SLC24A2: variants seen among roughly 807,000 people sequenced by gnomAD.
The protein encoded by SLC24A2 is sodium/potassium/calcium exchanger 2.
SLC24A2 carries 36 observed loss-of-function variants against 62.0 expected under a neutral mutation model. The ratio of observed to expected loss-of-function variants is 0.58; its 90% CI spans 0.44 to 0.77. The LOEUF is 0.77. SLC24A2 is among the 30% of genes least tolerant of loss of function. The pLI is 0.00. For missense variants in SLC24A2, 846 were observed against 817.9 expected, an observed-to-expected ratio of 1.03 and a Z score of -0.42; for synonymous variants, 358 against 294.0, an observed-to-expected ratio of 1.22 and a Z score of -2.23.
the SLC24A2 span, among the ~76,000 whole-genome samples, chr9:20,267,297 C>G: frequency 6.6e-6 from 1 of 152,068 alleles, no homozygotes; most frequent in Non-Finnish European, 1.5e-5. Context: ...ACCCTCTAAC[C>G]CCCACACCAA....
the SLC24A2 span, among the ~76,000 whole-genome samples, chr9:19,939,462 A>G: frequency 1.3e-5 from 2 of 152,346 alleles, no homozygotes; most frequent in African/African-American, 2.4e-5. Context: ...AAGGTACAGT[A>G]GAAATATGGC....
intron 2 of SLC24A2, among the ~76,000 whole-genome samples, chr9:19,736,003 TA>T (rs759175335): frequency 2.7e-5 from 4 of 150,710 alleles, no homozygotes; most frequent in Admixed American, 6.6e-5. Context: ...ACTTAAAGTA[TA>T]AAAAAAAAGA....
chr9:20,164,773 G>A, the SLC24A2 span, among the ~76,000 whole-genome samples: 14 of 151,142 alleles, frequency 9.3e-5, no homozygotes, highest in African/African-American at 3.4e-4. Flanking sequence ...AGAAAATGTG[G>A]CACATATACA....
At chr9:19,883,800 C>T in the SLC24A2 span, among the ~76,000 whole-genome samples, 7 of 152,084 alleles carry the variant, frequency 4.6e-5, no homozygotes, top group African/African-American at 1.2e-4. Context: ...CTCCTGACCT[C>T]GTGATCCGCC....
the SLC24A2 span, among the ~76,000 whole-genome samples, chr9:20,077,839 A>G: frequency 3.0e-3 from 464 of 152,240 alleles, 5 homozygotes; most frequent in African/African-American, 0.011. Flanking sequence ...ATAACCCGCG[A>G]TAGTGAAAAA....
rs60849714 is a variant in SLC24A2 at position 19,513,176 on chromosome 9, G to GTATATA, written c.*2971_*2976dup. The GTATATA allele has an allele frequency of 4.5e-5, 3 of 66,972 alleles. No individual in the cohort carries two copies. The Admixed American group carries it at 4.8e-4, about 11-fold the overall frequency. The allele number at this position is 66,972 out of a possible 1,614,324, so 4.1% of individuals were successfully genotyped here. A position where few individuals can be genotyped will look rare whatever the true frequency, so the allele number is the denominator to read the frequency against. Reference sequence around the variant, plus strand: ...AAGATATATATATATATATATATATGTATATATATATATATGTATATATTT... The same window carrying GTATATA: ...AAGATATATATATATATATATATATGTATATATATATATATATATATGTATATATTT... On this transcript the variant is annotated 3_prime_UTR_variant, in exon 11 of 11. Coordinates refer to ENST00000341998, the MANE Select transcript of SLC24A2 (RefSeq NM_020344.4).
At chr9:19,546,671 G>A (rs1034485115) in intron 8 of SLC24A2, among the ~76,000 whole-genome samples, 11 of 152,018 alleles carry the variant, frequency 7.2e-5, no homozygotes, top group African/African-American at 2.2e-4. Context: ...CCCTGCCTTC[G>A]GCCCCTTTTC....
At chr9:20,207,490 G>C in the SLC24A2 span, among the ~76,000 whole-genome samples, 1 of 152,144 alleles carries the variant, frequency 6.6e-6, no homozygotes. Flanking sequence ...TAAGAAATGA[G>C]GCAACTCTAT....
chr9:20,194,964 T>C, the SLC24A2 span, among the ~76,000 whole-genome samples: 2 of 152,176 alleles, frequency 1.3e-5, no homozygotes, highest in African/African-American at 2.4e-5. Flanking sequence ...TTTTTCTTTA[T>C]AGTTTTATTA....
the SLC24A2 span, among the ~76,000 whole-genome samples, chr9:19,810,663 G>T: frequency 1.3e-5 from 2 of 152,208 alleles, no homozygotes; most frequent in Non-Finnish European, 2.9e-5. Flanking sequence ...TAAGTAGCCA[G>T]TTATAAGGAA....
intron 10 of SLC24A2, among the ~76,000 whole-genome samples, chr9:19,516,787 G>A (rs1385976527): frequency 6.6e-6 from 1 of 152,026 alleles, no homozygotes; most frequent in Non-Finnish European, 1.5e-5. Context: ...AAGGGAGCAG[G>A]CAGGTGCAAA....
intron 2 of SLC24A2, among the ~76,000 whole-genome samples, chr9:19,763,376 G>T (rs1822406332): frequency 1.3e-5 from 2 of 152,176 alleles, no homozygotes; most frequent in Non-Finnish European, 2.9e-5. Context: ...GGTGAGAGAG[G>T]GCATCGTTGT....
chr9:19,982,961 T>G, the SLC24A2 span, among the ~76,000 whole-genome samples: 7 of 152,178 alleles, frequency 4.6e-5, no homozygotes, highest in South Asian at 4.1e-4. Context: ...AAATCCAACA[T>G]TCTTTCATGA....
chr9:19,829,736 T>C, the SLC24A2 span, among the ~76,000 whole-genome samples: 1 of 148,314 alleles, frequency 6.7e-6, no homozygotes, highest in African/African-American at 2.5e-5. Context: ...CTCTAAAATA[T>C]AGATATATAC....
At chr9:19,557,348 G>A (rs1835145175) in intron 7 of SLC24A2, among the ~76,000 whole-genome samples, 1 of 152,236 alleles carries the variant, frequency 6.6e-6, no homozygotes, top group South Asian at 2.1e-4. Flanking sequence ...GGAAAGAGAA[G>A]CAAACCTTCT....
At chr9:20,017,658 G>C in the SLC24A2 span, among the ~76,000 whole-genome samples, 1 of 152,198 alleles carries the variant, frequency 6.6e-6, no homozygotes, top group Non-Finnish European at 1.5e-5. Flanking sequence ...GCAGCCTTCA[G>C]TCTGTGGCCA....
At chr9:19,684,606 G>A (rs1819823858) in intron 2 of SLC24A2, among the ~76,000 whole-genome samples, 1 of 152,032 alleles carries the variant, frequency 6.6e-6, no homozygotes, top group Non-Finnish European at 1.5e-5. Flanking sequence ...GGGTTTCAGG[G>A]TAGTGAGTTT....
chr9:19,903,938 C>G, the SLC24A2 span, among the ~76,000 whole-genome samples: 1 of 152,104 alleles, frequency 6.6e-6, no homozygotes, highest in Non-Finnish European at 1.5e-5. Context: ...AAAAGCCTCT[C>G]ATGCACAAAG....
At chr9:20,102,193 A>G in the SLC24A2 span, among the ~76,000 whole-genome samples, 3 of 152,158 alleles carry the variant, frequency 2.0e-5, no homozygotes, top group East Asian at 3.9e-4. Flanking sequence ...CCCATGGAGA[A>G]CTAAGGTTTC....
Sources: allele counts gnomAD v4.1 joint callset (sites outside exome capture counted in the v4.1 genomes callset), GRCh38; gene constraint gnomAD v4.1.1; transcripts MANE v1.5; gene names NCBI Gene and HGNC (gene_info 2026-07-23, HGNC 2026-07-21).